Variants in PCDHGA4 observed in about 807,000 individuals in gnomAD.
PCDHGA4 encodes the protein protocadherin gamma-A4.
PCDHGA4 carries 38 observed loss-of-function variants against 54.6 expected under a neutral mutation model. That is an observed-to-expected ratio of 0.70 (90% CI 0.54 to 0.91). The LOEUF (loss-of-function observed/expected upper bound fraction) is 0.91. Among genes scored for constraint, PCDHGA4 ranks in the 40% least tolerant of loss-of-function variants. The pLI is 0.00. For synonymous variants in PCDHGA4, 511 were observed against 512.9 expected, an observed-to-expected ratio of 1.00 and a Z score of 0.05; for missense variants, 1,298 against 1,220.9, an observed-to-expected ratio of 1.06 and a Z score of -0.94.
chr5:141,422,011 G>T (rs200879435), intron 1 of PCDHGA4: 2 of 1,610,252 alleles, frequency 1.2e-6, no homozygotes, highest in East Asian at 2.2e-5. Flanking sequence ...CGGAACTCGG[G>T]TGCTGATGGT....
chr5:141,387,642 C>T lies in PCDHGA4; in HGVS notation c.2514+30021C>T, dbSNP rs554256672. 8.0e-6 allele frequency: 5 copies of T among 622,368 alleles called. No homozygotes were observed. In the South Asian group the frequency reaches 1.1e-4, roughly 14 times the overall value. The allele number at this position is 622,368 out of a possible 1,614,324, so 38.6% of individuals were successfully genotyped here. On this transcript the variant is annotated intron_variant, in intron 1 of 3. Transcript: ENST00000571252. Reference sequence around the variant, plus strand: ...TGCTGACTCTGGGCGCCGCTGTTGGCCAAAGTGGAGAGCTTGGCGCTCCAG... The same window carrying T: ...TGCTGACTCTGGGCGCCGCTGTTGGTCAAAGTGGAGAGCTTGGCGCTCCAG...
intron 1 of PCDHGA4, among the ~76,000 whole-genome samples, chr5:141,435,946 A>C (rs953432473): frequency 6.6e-6 from 1 of 152,174 alleles, no homozygotes; most frequent in Non-Finnish European, 1.5e-5. Flanking sequence ...CTGAGACCAA[A>C]AAAGGGGGCA....
At chr5:141,463,692 C>A (rs1482988660) in intron 1 of PCDHGA4, among the ~76,000 whole-genome samples, 2 of 151,934 alleles carry the variant, frequency 1.3e-5, no homozygotes, top group Non-Finnish European at 2.9e-5. Flanking sequence ...GTGATCTGCT[C>A]ACCTCGGCCT....
chr5:141,421,239 G>T (rs773410079), intron 1 of PCDHGA4: 5 of 1,599,000 alleles, frequency 3.1e-6, no homozygotes, highest in Middle Eastern at 3.3e-4. Flanking sequence ...TGGCGAATCG[G>T]CTACAGCGCG....
intron 1 of PCDHGA4, among the ~76,000 whole-genome samples, chr5:141,420,643 A>G (rs145459829): frequency 0.01 from 1,535 of 152,326 alleles, 17 homozygotes; most frequent in Non-Finnish European, 0.013. Flanking sequence ...GGAACCTTGT[A>G]AGAATTATAG....
chr5:141,473,349 T>G (rs2099319716), intron 1 of PCDHGA4, among the ~76,000 whole-genome samples: 1 of 152,232 alleles, frequency 6.6e-6, no homozygotes, highest in Non-Finnish European at 1.5e-5. Context: ...ACAGTGAGGA[T>G]GCAAGTGGCC....
Position 141,476,570 on chromosome 5 carries a change from A to G in PCDHGA4, c.2515-18237A>G. ...GATTAGCGAGGCCGTGGCTCCGGGG[A>G]CGCGCTTTCCGCTCGAGAGCGCGCA... On this transcript the variant is annotated intron_variant, in intron 1 of 3. Transcript: ENST00000571252. The surrounding 1 kb of genome is among the most constrained non-coding windows in gnomAD (Gnocchi z 7.6). 3 of 1,614,114 alleles carry G rather than the reference A, an allele frequency of 1.9e-6. No individual in the cohort carries two copies. The highest frequency in any genetic ancestry group is 2.5e-6 in the Non-Finnish European group (3 of 1,180,012).
At position 141,491,660 on chromosome 5, in the gene PCDHGA4, C is replaced by G; in HGVS notation, c.2515-3147C>G. 6.2e-7 allele frequency: 1 copy of G among 1,613,810 alleles called. No individual in the cohort carries two copies. ...ACAGCTCTGGCGCTGGAGCCTGACG[C>G]CATCCGGTCCCGCTCTAATACGCTG... is the stretch of plus-strand genomic sequence containing the variant. On this transcript the variant is annotated intron_variant, in intron 1 of 3. Transcript: ENST00000571252. The surrounding 1 kb of genome is among the most constrained non-coding windows in gnomAD (Gnocchi z 6.9).
At chr5:141,400,637 C>T (rs1198861683) in intron 1 of PCDHGA4, 1 of 1,324,714 alleles carries the variant, frequency 7.5e-7, no homozygotes, top group Non-Finnish European at 1.1e-6. Flanking sequence ...GTCAGAGCTG[C>T]TCAGAAAGCT....
chr5:141,388,793 T>C, intron 1 of PCDHGA4: 1 of 1,613,918 alleles, frequency 6.2e-7, no homozygotes, highest in South Asian at 1.1e-5. Flanking sequence ...CTGTTTTAAA[T>C]ACATTAGATT....
chr5:141,365,340 T>C (rs776988694), intron 1 of PCDHGA4: 5 of 1,613,832 alleles, frequency 3.1e-6, no homozygotes, highest in Admixed American at 1.7e-5. Flanking sequence ...GTGGTCACAG[T>C]ACAGGACGTG....
chr5:141,366,218 C>T (rs1366831646), intron 1 of PCDHGA4: 3 of 1,613,704 alleles, frequency 1.9e-6, no homozygotes, highest in African/African-American at 1.3e-5. Context: ...GCGCACAGCG[C>T]GAGCCCTGCT....
intron 1 of PCDHGA4, chr5:141,422,646 C>T (rs748692494): frequency 5.0e-6 from 8 of 1,611,836 alleles, no homozygotes; most frequent in Non-Finnish European, 6.8e-6. Flanking sequence ...CCTCCATCTT[C>T]TCAGTGACCG....
At chr5:141,407,703 G>T (rs1016806853) in intron 1 of PCDHGA4, among the ~76,000 whole-genome samples, 1 of 152,096 alleles carries the variant, frequency 6.6e-6, no homozygotes, top group Admixed American at 6.6e-5. Context: ...ATTGTTGAAG[G>T]TGGGGTGATG....
At chr5:141,385,503 C>A in intron 1 of PCDHGA4, 1 of 1,379,554 alleles carries the variant, frequency 7.2e-7, no homozygotes, top group Non-Finnish European at 9.4e-7. Context: ...TATAGTATTT[C>A]TTTAGTGAAA....
chr5:141,467,095 C>G (rs930625426), intron 1 of PCDHGA4, among the ~76,000 whole-genome samples: 2 of 150,094 alleles, frequency 1.3e-5, no homozygotes, highest in African/African-American at 4.9e-5. Context: ...CTCTGTCACA[C>G]AGGCTGGAGT....
intron 1 of PCDHGA4, among the ~76,000 whole-genome samples, chr5:141,381,616 A>G (rs187813287): frequency 6.6e-6 from 1 of 152,230 alleles, no homozygotes; most frequent in Non-Finnish European, 1.5e-5. Context: ...ACAGCCCAGT[A>G]GGATCTCTGC....
At chr5:141,506,103 C>T (rs1001709380) in intron 3 of PCDHGA4, among the ~76,000 whole-genome samples, 2 of 152,144 alleles carry the variant, frequency 1.3e-5, no homozygotes, top group Admixed American at 1.3e-4. Context: ...GTGGTTGTCC[C>T]TGAAGAGTCA....
intron 1 of PCDHGA4, chr5:141,394,258 A>T: frequency 6.2e-7 from 1 of 1,613,912 alleles, no homozygotes; most frequent in Non-Finnish European, 8.5e-7. Context: ...CCCGACAGCC[A>T]GGAGAATGCC....
Sources: gnomAD v4.1 joint callset for allele counts (sites outside exome capture counted in the v4.1 genomes callset) on GRCh38, gnomAD v4.1.1 for gene constraint, Gnocchi (gnomAD v3.1) non-coding constraint, MANE v1.5 for transcripts, NCBI Gene and HGNC (gene_info 2026-07-23, HGNC 2026-07-21) for gene names.